RANBP2: variants seen among roughly 807,000 people sequenced by gnomAD.
The protein encoded by RANBP2 is RAN binding protein 2.
RANBP2 carries 57 observed loss-of-function variants against 303.6 expected under a neutral mutation model. That is an observed-to-expected ratio of 0.19 (90% confidence interval 0.15 to 0.23). The LOEUF (loss-of-function observed/expected upper bound fraction) is 0.23. Among genes scored for constraint, RANBP2 ranks in the 10% least tolerant of loss-of-function variants. The probability of loss-of-function intolerance (pLI) is 1.00; values close to 1 mark genes in which losing one functional copy is unlikely to be tolerated. For missense variants in RANBP2, 3,138 were observed against 3,780.8 expected, an observed-to-expected ratio of 0.83 and a Z score of 4.46; for synonymous variants, 1,167 against 1,301.5, an observed-to-expected ratio of 0.90 and a Z score of 2.23.
the RANBP2 span, among the ~76,000 whole-genome samples, chr2:108,904,298 A>G: frequency 6.6e-6 from 1 of 152,354 alleles, no homozygotes; most frequent in African/African-American, 2.4e-5. Context: ...AAAACAAAAC[A>G]TAGTAACACC....
the RANBP2 span, among the ~76,000 whole-genome samples, chr2:108,961,546 G>A: frequency 6.6e-6 from 1 of 152,214 alleles, no homozygotes; most frequent in African/African-American, 2.4e-5. Flanking sequence ...ACATGCTGAA[G>A]GTTGAACTGC....
At chr2:109,690,341 C>T in the RANBP2 span, among the ~76,000 whole-genome samples, 1 of 152,170 alleles carries the variant, frequency 6.6e-6, no homozygotes, top group African/African-American at 2.4e-5. Context: ...GGAGCACTTC[C>T]AGGTCATAGG....
the RANBP2 span, among the ~76,000 whole-genome samples, chr2:109,721,930 C>G: frequency 6.6e-6 from 1 of 152,206 alleles, no homozygotes; most frequent in African/African-American, 2.4e-5. Context: ...CACTTGTCCT[C>G]AAGAATCCTG....
At chr2:109,709,306 C>CT in the RANBP2 span, among the ~76,000 whole-genome samples, 2 of 42,384 alleles carry the variant, frequency 4.7e-5, no homozygotes, top group Admixed American at 2.8e-4. Flanking sequence ...AACTGTGTCT[C>CT]AAAAATAAAA....
chr2:109,319,571 C>T, the RANBP2 span, among the ~76,000 whole-genome samples: 1 of 152,260 alleles, frequency 6.6e-6, no homozygotes, highest in African/African-American at 2.4e-5. Flanking sequence ...AAAACAAGCC[C>T]AGTGGGGCTC....
At chr2:109,396,081 C>T in the RANBP2 span, among the ~76,000 whole-genome samples, 4 of 152,142 alleles carry the variant, frequency 2.6e-5, no homozygotes, top group Non-Finnish European at 2.9e-5. Flanking sequence ...GTGAGTGAGA[C>T]GAATGGAGGA....
intron 23 of RANBP2, among the ~76,000 whole-genome samples, chr2:108,774,159 C>T (rs778988191): frequency 1.3e-5 from 2 of 152,314 alleles, no homozygotes; most frequent in East Asian, 1.9e-4. Flanking sequence ...ACTAACTTTG[C>T]ATTCCAGCGT....
the RANBP2 span, among the ~76,000 whole-genome samples, chr2:108,862,498 G>C: frequency 6.6e-6 from 1 of 152,112 alleles, no homozygotes; most frequent in East Asian, 1.9e-4. Context: ...GGTGATTACA[G>C]TTAATAACAA....
chr2:109,563,672 T>G, the RANBP2 span, among the ~76,000 whole-genome samples: 1 of 152,196 alleles, frequency 6.6e-6, no homozygotes, highest in African/African-American at 2.4e-5. Context: ...ATTCTAAAAT[T>G]CTTATAACTA....
At chr2:109,164,460 A>G in the RANBP2 span, among the ~76,000 whole-genome samples, 1 of 152,208 alleles carries the variant, frequency 6.6e-6, no homozygotes, top group African/African-American at 2.4e-5. Context: ...CTGGGACTAC[A>G]GCTGTGAGCC....
chr2:109,324,468 T>C, the RANBP2 span, among the ~76,000 whole-genome samples: 8 of 152,234 alleles, frequency 5.3e-5, no homozygotes, highest in African/African-American at 9.6e-5. Flanking sequence ...TGCCAGTCTT[T>C]GTGATTTTAG....
At chr2:108,726,357 C>G (rs1694706129) in intron 1 of RANBP2, among the ~76,000 whole-genome samples, 1 of 151,314 alleles carries the variant, frequency 6.6e-6, no homozygotes, top group South Asian at 2.1e-4. Flanking sequence ...CACCAAAGAG[C>G]AAGAGTAGCG....
At chr2:109,523,903 C>G in the RANBP2 span, among the ~76,000 whole-genome samples, 1 of 152,350 alleles carries the variant, frequency 6.6e-6, no homozygotes, top group Admixed American at 6.5e-5. Context: ...TCTGCTCTGA[C>G]TGCCGTGGTT....
chr2:109,664,218 C>G, the RANBP2 span, among the ~76,000 whole-genome samples: 3 of 152,146 alleles, frequency 2.0e-5, no homozygotes, highest in South Asian at 6.2e-4. Flanking sequence ...AAGATGCATA[C>G]GTTATAGAAA....
the RANBP2 span, among the ~76,000 whole-genome samples, chr2:109,224,177 T>G: frequency 1.3e-5 from 2 of 152,042 alleles, no homozygotes; most frequent in Non-Finnish European, 2.9e-5. Flanking sequence ...TGTGTGTGCA[T>G]GTGCAAATGG....
At chr2:109,136,841 A>G in the RANBP2 span, among the ~76,000 whole-genome samples, 1 of 152,172 alleles carries the variant, frequency 6.6e-6, no homozygotes, top group Non-Finnish European at 1.5e-5. Context: ...GCATGCTTGC[A>G]CCGGGGCACC....
the RANBP2 span, among the ~76,000 whole-genome samples, chr2:109,078,720 C>T: frequency 4.2e-4 from 63 of 149,902 alleles, 2 homozygotes; most frequent in Middle Eastern, 3.5e-3. Context: ...CGTTGGTGCG[C>T]GCCTGTAATC....
chr2:109,162,435 T>C, the RANBP2 span, among the ~76,000 whole-genome samples: 1 of 152,216 alleles, frequency 6.6e-6, no homozygotes, highest in Non-Finnish European at 1.5e-5. Flanking sequence ...TTATTATACT[T>C]TAAGTTTTAG....
the RANBP2 span, among the ~76,000 whole-genome samples, chr2:108,806,570 T>C: frequency 6.6e-6 from 1 of 152,168 alleles, no homozygotes; most frequent in African/African-American, 2.4e-5. Flanking sequence ...GGCCATGTGG[T>C]CTCTCTTTCA....
Sources: allele counts gnomAD v4.1 joint callset (sites outside exome capture counted in the v4.1 genomes callset), GRCh38; gene constraint gnomAD v4.1.1; transcripts MANE v1.5; gene names NCBI Gene and HGNC (gene_info 2026-07-23, HGNC 2026-07-21).